The following MCM3AP variants were observed in gnomAD, a reference collection of about 807,000 sequenced individuals.
MCM3AP encodes the protein germinal-center associated nuclear protein.
A neutral mutation model predicts 184.1 loss-of-function variants in MCM3AP; 126 were observed. The ratio of observed to expected loss-of-function variants is 0.68; its 90% confidence interval spans 0.59 to 0.79. The LOEUF (loss-of-function observed/expected upper bound fraction) is 0.79, where lower values mean the gene tolerates loss of function less well. MCM3AP is among the 30% of genes least tolerant of loss of function. The pLI is 0.00. For missense variants in MCM3AP, 2,496 were observed against 2,479.2 expected (o/e 1.01, Z -0.14); for synonymous variants, 1,002 against 979.3 (o/e 1.02, Z -0.43).
intron 10 of MCM3AP, chr21:46,266,634 C>A: frequency 3.4e-6 from 1 of 294,736 alleles, no homozygotes; most frequent in South Asian, 4.9e-5. Context: ...GGCTGGCCTG[C>A]GGGTGCCTCC....
rs1029052199 is a variant in MCM3AP, at chr21:46,242,993, A to G, written c.5297-62T>C. 30 of 1,414,696 alleles carry G rather than the reference A, an allele frequency of 2.1e-5. No homozygotes were observed. In the African/African-American group the frequency reaches 3.0e-4, roughly 14 times the overall value. 87.6% of individuals were successfully genotyped at this position (1,414,696 alleles called of 1,614,324 possible). ...CCTGGCCAACCCTGTCTCAAAAAAA[A>G]AAAAAACACACACAAAAAAACAAAA... is the stretch of plus-strand genomic sequence containing the variant. On this transcript the variant is annotated intron_variant, in intron 24 of 27. Transcript: ENST00000291688.
In MCM3AP at chr21:46,283,783, ACTGT is replaced by A. The variant is rs1569084372; in HGVS notation, c.1271_1274del (p.Asp424ValfsTer83). ...CTTCAGAGGGAGACAAGCCCCCAAG[ACTGT>A]CTGTGCTCTCGCTTCTGTTACTCTG... is the stretch of plus-strand genomic sequence containing the variant. On this transcript the variant is annotated frameshift_variant, in exon 2 of 28. Coordinates refer to ENST00000291688, the MANE Select transcript of MCM3AP (RefSeq NM_003906.5). LOFTEE classifies it high-confidence loss of function. 1 of 1,613,948 alleles carries A rather than the reference ACTGT, an allele frequency of 6.2e-7. No homozygotes were observed. Among genetic ancestry groups the A allele is most frequent in the Non-Finnish European group, 8.5e-7 (1 of 1,180,014 alleles).
chr21:46,251,695 A>C lies in MCM3AP; in HGVS notation c.4137-13T>G. 1 of 1,457,732 alleles carries C rather than the reference A, an allele frequency of 6.9e-7. No individual in the cohort carries two copies. 90.3% of individuals were successfully genotyped at this position (1,457,732 alleles called of 1,614,324 possible). ...ATTTGCTAGAATTCTACAGATTTAA[A>C]AAAAACAAAAAACAAAAAAAACACT... On this transcript the variant is annotated splice_polypyrimidine_tract_variant and intron_variant, in intron 19 of 27. Transcript: ENST00000291688.
intron 19 of MCM3AP, chr21:46,252,864 C>T (rs936866788): frequency 2.0e-5 from 3 of 150,430 alleles, no homozygotes; most frequent in South Asian, 2.1e-4. Flanking sequence ...AACTGTAAGC[C>T]GGGTGTGGTG....
chr21:46,265,311 G>A lies in MCM3AP; in HGVS notation c.3234+10C>T, dbSNP rs746184938. 6.2e-7 allele frequency: 1 copy of A among 1,613,268 alleles called. No individual in the cohort carries two copies. The highest frequency in any genetic ancestry group is 1.1e-5 in the South Asian group (1 of 91,064). On this transcript the variant is annotated intron_variant, in intron 12 of 27. Coordinates refer to ENST00000291688, the MANE Select transcript of MCM3AP (RefSeq NM_003906.5). ...CCCAGAGTCCAGACCTAGAAAAAAA[G>A]AGTCCCTACCTCGTCAGAGTACATG... is the stretch of plus-strand genomic sequence containing the variant.
In MCM3AP at chr21:46,272,620, G is replaced by A. The variant is rs561932741; in HGVS notation, c.2406C>T (p.Ser802=). 123 of 1,614,028 alleles carry A rather than the reference G, an allele frequency of 7.6e-5. No individual in the cohort carries two copies. Among genetic ancestry groups the A allele is most frequent in the Middle Eastern group, 3.3e-4 (2 of 6,084 alleles). Residue 802 remains serine (S), a synonymous_variant, in exon 8 of 28, where the codon AGC becomes AGT. Coordinates refer to ENST00000291688, the MANE Select transcript of MCM3AP (RefSeq NM_003906.5). ...DLRNKGVFCA[S]EAEFQGYNVL... ...CATTGTAGCCCTGGAACTCCGCTTC[G>A]CTGGCACAGAAGACACCCTTGTTTC...
chr21:46,274,709 G>A (rs1391016031), intron 6 of MCM3AP, among the ~76,000 whole-genome samples: 1 of 152,208 alleles, frequency 6.6e-6, no homozygotes, highest in East Asian at 1.9e-4. Context: ...GCGGAGGTGG[G>A]CAGATGACTT....
In MCM3AP at chr21:46,266,036, C is replaced by T. The variant is rs758257201; in HGVS notation, c.2920G>A (p.Val974Ile). The T allele has an allele frequency of 1.9e-5, 31 of 1,611,846 alleles. No homozygotes were observed. The highest frequency in any genetic ancestry group is 7.8e-5 in the South Asian group (7 of 90,230). The change falls in exon 11 of 28, where the codon GTC becomes ATC. Residue 974 changes from valine (V) to isoleucine (I), a missense_variant. By Grantham distance (29) the Val-to-Ile change is conservative. Around this residue, in one of 5 missense-constraint regions of MCM3AP, gnomAD observed 1,323 missense variants for 1,273.4 expected, o/e 1.04. Coordinates refer to ENST00000291688, the MANE Select transcript of MCM3AP (RefSeq NM_003906.5). ...EIVNGGPLPPVPRHTPVCSFN... is the reference protein window; with the variant it reads ...EIVNGGPLPPIPRHTPVCSFN... Reference sequence around the variant, plus strand: ...CTGCACACAGGGGTATGACGAGGGACGGGGGGCAATGGCCCTCCGTTCACA... The same window carrying T: ...CTGCACACAGGGGTATGACGAGGGATGGGGGGCAATGGCCCTCCGTTCACA...
At chr21:46,286,234 A>G, upstream of MCM3AP, 1 of 152,230 alleles carries the variant, frequency 6.6e-6, no homozygotes, top group East Asian at 1.9e-4. Flanking sequence ...TGCTGCCGCG[A>G]CACTCAGCGC....
In MCM3AP at chr21:46,280,581, A is replaced by G; in HGVS notation, c.1444-6T>C. ...CTAGCCAGGGCTGCAGATGCCTGGA[A>G]AACAGTCCACAACCGCCATGTGTGA... On this transcript the variant is annotated splice_region_variant and splice_polypyrimidine_tract_variant and intron_variant, in intron 2 of 27. Transcript: ENST00000291688. 1 of 1,602,874 alleles carries G rather than the reference A, an allele frequency of 6.2e-7. No individual in the cohort carries two copies. The highest frequency in any genetic ancestry group is 8.5e-7 in the Non-Finnish European group (1 of 1,170,680).
intron 18 of MCM3AP, 89 bp downstream of exon 18, chr21:46,254,687 G>A: frequency 7.0e-7 from 1 of 1,429,400 alleles, no homozygotes; most frequent in Non-Finnish European, 9.8e-7. Flanking sequence ...AGAGACCTCA[G>A]TTGGAGATGC....
At position 46,284,865 on chromosome 21, in the gene MCM3AP, T is replaced by A. The variant is rs1191912183; in HGVS notation, c.422A>T (p.Lys141Ile). Residue 141 changes from lysine (K) to isoleucine (I), a missense_variant, in exon 1 of 28, where the codon AAA becomes ATA. Around this residue, in one of 5 missense-constraint regions of MCM3AP, gnomAD observed 800 missense variants for 717.1 expected, o/e 1.12. Transcript: ENST00000291688. ...CAGAGGTTTAAAGCTGAATTCTGTT[T>A]TCCCAAAACCAGAGTTCACTATTTC... ...AGEIVNSGFG[K>I]TEFSFKPLEN... 6.2e-7 allele frequency: 1 copy of A among 1,614,078 alleles called. No individual in the cohort carries two copies. Among genetic ancestry groups the A allele is most frequent in the Non-Finnish European group, 8.5e-7 (1 of 1,180,052 alleles).
chr21:46,267,073 G>T lies in MCM3AP; in HGVS notation c.2698C>A (p.Pro900Thr), dbSNP rs761686752. The T allele has an allele frequency of 6.2e-7, 1 of 1,614,078 alleles. No homozygotes were observed. The highest frequency in any genetic ancestry group is 8.5e-7 in the Non-Finnish European group (1 of 1,179,910). The change falls in exon 10 of 28, where the codon CCC becomes ACC. Residue 900 changes from proline (P) to threonine (T), a missense_variant. Physicochemically the swap from Pro to Thr is conservative, Grantham distance 38 (BLOSUM62 -1). Transcript: ENST00000291688. Reference protein sequence around the residue: ...TVSTQRSTIFPLDGVVRMLLF... With the variant: ...TVSTQRSTIFTLDGVVRMLLF... ...AGCATGCGCACCACACCATCCAGGG[G>T]AAAGATGGTAGATCGCTGTGTGCTC...
intron 12 of MCM3AP, among the ~76,000 whole-genome samples, chr21:46,264,612 C>T (rs2081084037): frequency 6.6e-6 from 1 of 152,172 alleles, no homozygotes; most frequent in Non-Finnish European, 1.5e-5. Flanking sequence ...AATATCAAGG[C>T]ACCTGTCGGG....
In MCM3AP at chr21:46,272,536, A is replaced by G. The variant is rs202008395; in HGVS notation, c.2465+25T>C. On this transcript the variant is annotated intron_variant, in intron 8 of 27. Coordinates refer to ENST00000291688, the MANE Select transcript of MCM3AP (RefSeq NM_003906.5). ...AGCCTGCCTTTTCAGCCACCTTAGGACAACTTTTGGATGTGAAAATTCACC... is the reference window on the plus strand; with the variant it reads ...AGCCTGCCTTTTCAGCCACCTTAGGGCAACTTTTGGATGTGAAAATTCACC... 3.9e-5 allele frequency: 63 copies of G among 1,605,482 alleles called. No individual in the cohort carries two copies. In the African/African-American group the frequency reaches 7.2e-4, roughly 18 times the overall value.
chr21:46,283,890 G>A, intron 1 of MCM3AP, 52 bp from the exon 2 acceptor site: 1 of 1,567,178 alleles, frequency 6.4e-7, no homozygotes, highest in Non-Finnish European at 8.7e-7. Flanking sequence ...CCAACAACAG[G>A]AGGCACCAAC....
At position 46,284,133 on chromosome 21, in the gene MCM3AP, A is replaced by G. The variant is rs771857696; in HGVS notation, c.1154T>C (p.Leu385Pro). The G allele has an allele frequency of 5.6e-6, 9 of 1,614,234 alleles. No individual in the cohort carries two copies. In the African/African-American group the frequency reaches 9.3e-5, roughly 17 times the overall value. Residue 385 changes from leucine (L) to proline (P), a missense_variant, in exon 1 of 28, where the codon CTG becomes CCG. Transcript: ENST00000291688. The part of the protein sequence containing the change: ...MAIPGGNQSV[L>P]APSRIPGVNK... ...CACACCTGGAATCCGGGAAGGTGCCAGGACAGACTGATTCCCTCCTGGGAT... is the reference window on the plus strand; with the variant it reads ...CACACCTGGAATCCGGGAAGGTGCCGGGACAGACTGATTCCCTCCTGGGAT...
chr21:46,237,058 T>TTCTATA lies in MCM3AP; in HGVS notation c.5634-80_5634-79insTATAGA, dbSNP rs2080545967. On this transcript the variant is annotated intron_variant, in intron 26 of 27. Transcript: ENST00000291688. The stretch of plus-strand genomic sequence containing the variant: ...TTGTTCATTAATCTTCTATATATAC[T>TTCTATA]TAAAAACTTTTTAAGCCTTTGCTTT... 1.3e-5 allele frequency: 9 copies of TTCTATA among 719,374 alleles called. No individual in the cohort carries two copies. The South Asian group carries it at 4.7e-4, about 38-fold the overall frequency. The allele number at this position is 719,374 out of a possible 1,614,324, so 44.6% of individuals were successfully genotyped here. A position where few individuals can be genotyped will look rare whatever the true frequency, so the allele number is the denominator to read the frequency against.
rs751494896 is a variant in MCM3AP, at chr21:46,240,893, G to C, written c.5551C>G (p.Leu1851Val). 1 of 1,614,206 alleles carries C rather than the reference G, an allele frequency of 6.2e-7. No homozygotes were observed. The highest frequency in any genetic ancestry group is 1.1e-5 in the South Asian group (1 of 91,088). ...TCCTCAGCAGAAGCTCCTCGCATCA[G>C]ATCCTCTGTGCTGGGAATCCTCCCC... Reference protein sequence around the residue: ...QEGRIPSTEDLMRGASAEELL... With the variant: ...QEGRIPSTEDVMRGASAEELL... The change falls in exon 26 of 28, where the codon CTG (leucine) becomes GTG (valine). Residue 1851 changes from leucine (L) to valine (V), a missense_variant. Physicochemically the swap from Leu to Val is conservative, Grantham distance 32. This residue lies in a region of MCM3AP where 1,323 missense variants were observed against 1,273.4 expected (regional missense o/e 1.04). Coordinates refer to ENST00000291688, the MANE Select transcript of MCM3AP (RefSeq NM_003906.5).
Sources: allele counts gnomAD v4.1 joint callset (sites outside exome capture counted in the v4.1 genomes callset), GRCh38; gene constraint gnomAD v4.1.1; regional missense constraint gnomAD v4.1.1; transcripts MANE v1.5; gene names NCBI Gene and HGNC (gene_info 2026-07-23, HGNC 2026-07-21).